The following SCFD2 variants were observed in gnomAD, a reference collection of about 807,000 sequenced individuals.
The protein encoded by SCFD2 is sec1 family domain containing 2.
Under a neutral mutation model 58.9 loss-of-function variants are expected in SCFD2, and 54 were observed. The observed-to-expected ratio is 0.92, with a 90% CI of 0.74 to 1.15. The LOEUF (loss-of-function observed/expected upper bound fraction) is 1.15. SCFD2 is among the 50% of genes most tolerant of loss of function. The pLI, the probability that SCFD2 is intolerant of heterozygous loss-of-function variation, is 0.00. For synonymous variants in SCFD2, 321 were observed against 335.9 expected, an observed-to-expected ratio of 0.96 and a Z score of 0.49; for missense variants, 805 against 836.6, an observed-to-expected ratio of 0.96 and a Z score of 0.47.
At chr4:53,146,823 G>A (rs1262658350) in intron 4 of SCFD2, among the ~76,000 whole-genome samples, 3 of 152,042 alleles carry the variant, frequency 2.0e-5, no homozygotes, top group African/African-American at 7.2e-5. Context: ...ATTAGTTATT[G>A]TTAATCTCTT....
intron 4 of SCFD2, among the ~76,000 whole-genome samples, chr4:53,256,729 C>T (rs1225855663): frequency 6.6e-6 from 1 of 151,804 alleles, no homozygotes; most frequent in Admixed American, 6.6e-5. Context: ...ATACGAAAAC[C>T]AGTCAGGCGT....
intron 7 of SCFD2, among the ~76,000 whole-genome samples, chr4:52,888,638 A>G (rs1366674114): frequency 2.6e-5 from 4 of 152,218 alleles, no homozygotes; most frequent in Admixed American, 2.0e-4. Flanking sequence ...CTTCTTAGGT[A>G]CCATGACAGT....
At chr4:53,071,909 T>A (rs1271632627) in intron 5 of SCFD2, among the ~76,000 whole-genome samples, 1 of 152,130 alleles carries the variant, frequency 6.6e-6, no homozygotes. Context: ...TGATACCAGA[T>A]AGTAATATAA....
rs533959188 is a variant in SCFD2, at chr4:53,229,964, G to C, written c.1311+43862C>G. On this transcript the variant is annotated intron_variant, in intron 4 of 8. Transcript: ENST00000401642. ...ACCCCATCAAAAAGTGGGCCAAGGAGATGAACAGACACTTCTCAAAAGAAG... is the reference window on the plus strand; with the variant it reads ...ACCCCATCAAAAAGTGGGCCAAGGACATGAACAGACACTTCTCAAAAGAAG... Among the ~76,000 whole-genome samples the C allele has an allele frequency of 4.6e-5, 7 of 151,996 alleles. No homozygotes were observed. In the East Asian group the frequency reaches 1.2e-3, roughly 25 times the overall value.
rs1003837986 is a variant in SCFD2, at chr4:52,877,980, A to G, written c.1963-3919T>C. ...AACTCCTCGCAATTTCACACCTGGCACTTTGGGGATGCTTCTTTGTCTGGG... is the reference window on the plus strand; with the variant it reads ...AACTCCTCGCAATTTCACACCTGGCGCTTTGGGGATGCTTCTTTGTCTGGG... On this transcript the variant is annotated intron_variant, in intron 8 of 8. Transcript: ENST00000401642. 4.6e-5 allele frequency among the ~76,000 whole-genome samples: 7 copies of G among 152,194 alleles called. No individual in the cohort carries two copies. The East Asian group carries it at 5.8e-4, about 13-fold the overall frequency.
intron 5 of SCFD2, among the ~76,000 whole-genome samples, chr4:52,929,387 C>G (rs1264867885): frequency 1.3e-5 from 2 of 152,148 alleles, no homozygotes; most frequent in Non-Finnish European, 2.9e-5. Context: ...CTTTCTAAAG[C>G]CTCCAGCAAA....
At chr4:52,890,022 C>T (rs116667559) in intron 7 of SCFD2, among the ~76,000 whole-genome samples, 2 of 152,236 alleles carry the variant, frequency 1.3e-5, no homozygotes, top group Non-Finnish European at 2.9e-5. Context: ...ATCATATCCA[C>T]AGGTTAACAG....
At chr4:53,143,795 T>TATAC (rs1726235822) in intron 5 of SCFD2, among the ~76,000 whole-genome samples, 1 of 146,558 alleles carries the variant, frequency 6.8e-6, no homozygotes. Flanking sequence ...CACCTAAACA[T>TATAC]ACACACACAC....
chr4:53,255,132 A>C (rs1445856570), intron 4 of SCFD2, among the ~76,000 whole-genome samples: 1 of 150,974 alleles, frequency 6.6e-6, no homozygotes, highest in East Asian at 1.9e-4. Flanking sequence ...TGGCCTCCCA[A>C]AGTGCTGGGA....
intron 3 of SCFD2, among the ~76,000 whole-genome samples, chr4:53,278,070 A>C (rs1021300698): frequency 1.5e-4 from 22 of 144,730 alleles, no homozygotes; most frequent in Non-Finnish European, 2.3e-4. Flanking sequence ...AAACAAAAAA[A>C]AAAAAAACAG....
chr4:53,224,684 C>G lies in SCFD2; in HGVS notation c.1311+49142G>C, dbSNP rs181917880. On this transcript the variant is annotated intron_variant, in intron 4 of 8. Coordinates refer to ENST00000401642, the MANE Select transcript of SCFD2 (RefSeq NM_152540.4). ...CTCAGCTCTGCCTGAATTCCTCCCC[C>G]ACAAACTGTGAGCTCTAATAAAATG... Among the ~76,000 whole-genome samples, 9 of 152,302 alleles carry G rather than the reference C, an allele frequency of 5.9e-5. No homozygotes were observed. In the East Asian group the frequency reaches 9.7e-4, roughly 16 times the overall value.
chr4:53,363,323 A>T (rs1036440632), intron 1 of SCFD2, among the ~76,000 whole-genome samples: 7 of 151,300 alleles, frequency 4.6e-5, no homozygotes, highest in South Asian at 2.1e-4. Flanking sequence ...TAATTTTTAA[A>T]TTTTCTGTAG....
At chr4:53,032,996 C>G (rs1722657831) in intron 5 of SCFD2, among the ~76,000 whole-genome samples, 1 of 152,138 alleles carries the variant, frequency 6.6e-6, no homozygotes, top group Non-Finnish European at 1.5e-5. Context: ...ACTCTCCACC[C>G]CAAATCAACA....
chr4:53,333,936 T>C (rs1179318865), intron 2 of SCFD2, among the ~76,000 whole-genome samples: 6 of 139,782 alleles, frequency 4.3e-5, no homozygotes, highest in African/African-American at 1.1e-4. Context: ...AAAAAGTGGG[T>C]GAAGGACATG....
intron 6 of SCFD2, among the ~76,000 whole-genome samples, chr4:52,911,125 G>C (rs1719476577): frequency 6.6e-6 from 1 of 152,116 alleles, no homozygotes; most frequent in Non-Finnish European, 1.5e-5. Flanking sequence ...CTGAAAAAGA[G>C]ATCATACACA....
chr4:53,244,448 A>T (rs1425977673), intron 4 of SCFD2, among the ~76,000 whole-genome samples: 1 of 152,210 alleles, frequency 6.6e-6, no homozygotes, highest in African/African-American at 2.4e-5. Flanking sequence ...ATCACTGGAA[A>T]CCATACAATT....
chr4:52,911,358 G>A (rs1719481526), intron 6 of SCFD2, among the ~76,000 whole-genome samples: 2 of 152,206 alleles, frequency 1.3e-5, no homozygotes, highest in Admixed American at 6.5e-5. Context: ...AAATTTTGGG[G>A]AATGAAACAT....
chr4:53,155,822 C>T (rs571915883), intron 4 of SCFD2, among the ~76,000 whole-genome samples: 7 of 152,284 alleles, frequency 4.6e-5, no homozygotes, highest in African/African-American at 1.7e-4. Context: ...AAGTTTGGTC[C>T]ACAGGCTCCT....
At chr4:53,310,585 G>A (rs1732660410) in intron 3 of SCFD2, among the ~76,000 whole-genome samples, 1 of 152,160 alleles carries the variant, frequency 6.6e-6, no homozygotes, top group African/African-American at 2.4e-5. Context: ...AAATACAACT[G>A]CATTTCAGTG....
Sources: gnomAD v4.1 joint callset for allele counts (sites outside exome capture counted in the v4.1 genomes callset) on GRCh38, gnomAD v4.1.1 for gene constraint, MANE v1.5 for transcripts, NCBI Gene and HGNC (gene_info 2026-07-23, HGNC 2026-07-21) for gene names.